Variants in UTP25 observed in about 807,000 individuals in gnomAD.
The protein encoded by UTP25 is UTP25 small subunit processome component.
UTP25 carries 50 observed loss-of-function variants against 78.9 expected under a neutral mutation model. That is an observed-to-expected ratio of 0.63 (90% CI 0.50 to 0.80). The LOEUF is 0.80. UTP25 is among the 30% of genes least tolerant of loss of function. UTP25 has a pLI of 0.00. For synonymous variants in UTP25, 329 were observed against 336.5 expected, an observed-to-expected ratio of 0.98 and a Z score of 0.24; for missense variants, 846 against 911.3, an observed-to-expected ratio of 0.93 and a Z score of 0.92.
rs924209247 is a variant in UTP25, at chr1:209,853,451, A to T, written c.*2004A>T. On this transcript the variant is annotated 3_prime_UTR_variant, in exon 12 of 12. Coordinates refer to ENST00000491415, the MANE Select transcript of UTP25 (RefSeq NM_014388.7). ...GGCTTACTGCAATCTGTGCCTCCCG[A>T]GTTCAAGCGATTCTCGTGCCTCCGC... The T allele has an allele frequency of 3.3e-5, 5 of 151,220 alleles. No individual in the cohort carries two copies. Among genetic ancestry groups the T allele is most frequent in the African/African-American group, 1.2e-4 (5 of 41,024 alleles). The allele number at this position is 151,220 out of a possible 1,614,324, so 9.4% of individuals were successfully genotyped here.
intron 11 of UTP25, among the ~76,000 whole-genome samples, chr1:209,850,871 T>C (rs2078227424): frequency 6.6e-6 from 1 of 152,228 alleles, no homozygotes; most frequent in Non-Finnish European, 1.5e-5. Flanking sequence ...TTTAAGTGCC[T>C]GCTTTTTAAG....
intron 11 of UTP25, among the ~76,000 whole-genome samples, chr1:209,849,896 C>G (rs1188916601): frequency 1.3e-5 from 2 of 152,224 alleles, no homozygotes; most frequent in Non-Finnish European, 2.9e-5. Flanking sequence ...CTCTTTGGAA[C>G]TCAGTCCATG....
intron 8 of UTP25, among the ~76,000 whole-genome samples, chr1:209,841,295 G>A (rs1175995025): frequency 6.6e-6 from 1 of 152,210 alleles, no homozygotes; most frequent in African/African-American, 2.4e-5. Context: ...CAAATCTCCA[G>A]AAAAGATTTC....
rs150367165 is a variant in UTP25, at chr1:209,840,893, G to A, written c.1323G>A (p.Pro441=). Residue 441 remains proline, a synonymous_variant, in exon 8 of 12, where the codon CCG becomes CCA. Transcript: ENST00000491415. The stretch of plus-strand genomic sequence containing the variant: ...AGAGAAGCATCCGACTCTATGCCCC[G>A]TTTTACTCCTCGGATATCCTCATTG... ...ILQRSIRLYA[P]FYSSDILIAS... The A allele has an allele frequency of 1.9e-5, 31 of 1,613,248 alleles. No homozygotes were observed. Among genetic ancestry groups the A allele is most frequent in the South Asian group, 8.8e-5 (8 of 91,062 alleles).
chr1:209,843,881 C>T (rs2078181409), intron 11 of UTP25, 185 bp downstream of exon 11: 1 of 734,786 alleles, frequency 1.4e-6, no homozygotes, highest in Admixed American at 3.0e-5. Context: ...TGGTTTTCTC[C>T]CAAAATGGGC....
At chr1:209,835,231 T>C in intron 5 of UTP25, 68 bp downstream of exon 5, 1 of 1,366,828 alleles carries the variant, frequency 7.3e-7, no homozygotes, top group Non-Finnish European at 1.0e-6. Context: ...GTCTTGGGTT[T>C]TAGTGGCCTC....
In UTP25 at chr1:209,840,855, G is replaced by A; in HGVS notation, c.1285G>A (p.Val429Met). ...GTGTACTTGGCTGTTTTGTGTAGGA[G>A]TGGCAATACTTCAGAGAAGCATCCG... The part of the protein sequence containing the change: ...GNIDDHFRIG[V>M]AILQRSIRLY... The change falls in exon 8 of 12, where the codon GTG (valine) becomes ATG (methionine). Residue 429 changes from valine to methionine, a missense_variant and splice_region_variant. By Grantham distance (21) the Val-to-Met change is conservative. Transcript: ENST00000491415. 6.2e-7 allele frequency: 1 copy of A among 1,612,106 alleles called. No individual in the cohort carries two copies. The highest frequency in any genetic ancestry group is 8.5e-7 in the Non-Finnish European group (1 of 1,179,764).
intron 6 of UTP25, 77 bp from the exon 7 acceptor site, chr1:209,838,832 C>T: frequency 1.3e-6 from 2 of 1,500,240 alleles, no homozygotes; most frequent in Non-Finnish European, 1.9e-6. Context: ...TTTTTAGCTC[C>T]ACTTCCTCAG....
chr1:209,843,162 G>C lies in UTP25; in HGVS notation c.1782-289G>C, dbSNP rs1026184430. The C allele has an allele frequency of 2.0e-4, 92 of 453,242 alleles. 1 individual carries two copies. Among genetic ancestry groups the C allele is most frequent in the African/African-American group, 1.1e-3 (54 of 50,530 alleles). The allele number at this position is 453,242 out of a possible 1,614,324, so 28.1% of individuals were successfully genotyped here. On this transcript the variant is annotated intron_variant, in intron 10 of 11. Transcript: ENST00000491415. The stretch of plus-strand genomic sequence containing the variant: ...GTTGACTGTTGGACTGAGTGACTGA[G>C]TGACTGACTGACTGACTGAATAGTG...
At chr1:209,847,549 T>C (rs981418333) in intron 11 of UTP25, among the ~76,000 whole-genome samples, 2 of 152,254 alleles carry the variant, frequency 1.3e-5, no homozygotes, top group Non-Finnish European at 2.9e-5. Flanking sequence ...GTTACTACAG[T>C]AATATCATCT....
At chr1:209,838,263 A>G (rs543250311) in intron 6 of UTP25, among the ~76,000 whole-genome samples, 10 of 152,342 alleles carry the variant, frequency 6.6e-5, no homozygotes, top group African/African-American at 2.4e-4. Flanking sequence ...TTAGAAATTA[A>G]CCATTTTTTA....
intron 10 of UTP25, 121 bp downstream of exon 10, chr1:209,842,816 T>A (rs1459533697): frequency 2.9e-6 from 2 of 685,384 alleles, no homozygotes; most frequent in Non-Finnish European, 5.0e-6. Context: ...GTTGAGATAA[T>A]TGAACTTAAT....
intron 6 of UTP25, among the ~76,000 whole-genome samples, chr1:209,838,408 A>C (rs1405562670): frequency 6.6e-6 from 1 of 152,252 alleles, no homozygotes; most frequent in Non-Finnish European, 1.5e-5. Context: ...GAAACACTGT[A>C]TAGAGAATGC....
At chr1:209,842,728 C>A in intron 10 of UTP25, 33 bp downstream of exon 10, 1 of 1,508,402 alleles carries the variant, frequency 6.6e-7, no homozygotes, top group Non-Finnish European at 9.1e-7. Context: ...CCCCTGGGGA[C>A]CACATAGAGA....
intron 6 of UTP25, 29 bp from the exon 7 acceptor site, chr1:209,838,880 C>T: frequency 3.1e-6 from 5 of 1,610,466 alleles, no homozygotes; most frequent in Non-Finnish European, 4.2e-6. Context: ...CCTCTTACCC[C>T]ACTAAGGCTG....
chr1:209,834,821 A>G (rs1277410755), intron 4 of UTP25, among the ~76,000 whole-genome samples: 3 of 152,206 alleles, frequency 2.0e-5, no homozygotes, highest in Non-Finnish European at 4.4e-5. Flanking sequence ...GGTATATCCT[A>G]AAGTGCTCTG....
chr1:209,836,692 A>T, intron 5 of UTP25, 109 bp from the exon 6 acceptor site: 1 of 1,218,364 alleles, frequency 8.2e-7, no homozygotes, highest in Non-Finnish European at 1.1e-6. Flanking sequence ...TGTGAGGATT[A>T]AATGAGATGA....
At chr1:209,829,974 T>A in intron 1 of UTP25, 134 bp from the exon 2 acceptor site, 1 of 718,216 alleles carries the variant, frequency 1.4e-6, no homozygotes, top group Non-Finnish European at 2.2e-6. Context: ...AGTGCATGTG[T>A]AATTTTTGCA....
chr1:209,843,697 G>A lies in UTP25; in HGVS notation c.2027+1G>A. ...CAGAGCGCTTCCATTTCTACAAAAGGTAAAGTGGTGCCAGGTTTCAAGCCT... is the reference window on the plus strand; with the variant it reads ...CAGAGCGCTTCCATTTCTACAAAAGATAAAGTGGTGCCAGGTTTCAAGCCT... On this transcript the variant is annotated splice_donor_variant, in intron 11 of 11. Coordinates refer to ENST00000491415, the MANE Select transcript of UTP25 (RefSeq NM_014388.7). LOFTEE classifies it high-confidence loss of function. 1 of 1,611,668 alleles carries A rather than the reference G, an allele frequency of 6.2e-7. No homozygotes were observed. Among genetic ancestry groups the A allele is most frequent in the Non-Finnish European group, 8.5e-7 (1 of 1,178,286 alleles).
Sources: allele counts gnomAD v4.1 joint callset (sites outside exome capture counted in the v4.1 genomes callset), GRCh38; gene constraint gnomAD v4.1.1; transcripts MANE v1.5; gene names NCBI Gene and HGNC (gene_info 2026-07-23, HGNC 2026-07-21).